SLC38A1: variants seen among roughly 807,000 people sequenced by gnomAD.
SLC38A1 encodes solute carrier family 38 member 1.
In SLC38A1, 18 loss-of-function variants were observed where a neutral mutation model predicts 60.3. The observed-to-expected ratio is 0.30, with a 90% CI of 0.21 to 0.44. SLC38A1 has a LOEUF of 0.44. Ranked by LOEUF, SLC38A1 falls within the 20% of genes least tolerant of loss-of-function variation. SLC38A1 has a pLI of 1.00. For missense variants in SLC38A1, 448 were observed against 587.2 expected, an observed-to-expected ratio of 0.76 and a Z score of 2.45; for synonymous variants, 196 against 212.1, an observed-to-expected ratio of 0.92 and a Z score of 0.66.
chr12:46,259,946 G>A (rs1387868106), intron 1 of SLC38A1, among the ~76,000 whole-genome samples: 2 of 152,102 alleles, frequency 1.3e-5, no homozygotes, highest in Non-Finnish European at 1.5e-5. Flanking sequence ...GCCTGATTAG[G>A]AAATTCTGGC....
At chr12:46,241,805 C>T (rs897633563) in intron 2 of SLC38A1, among the ~76,000 whole-genome samples, 13 of 152,232 alleles carry the variant, frequency 8.5e-5, no homozygotes, top group Non-Finnish European at 1.6e-4. Flanking sequence ...TCTTGCCACA[C>T]TGACTCCCTC....
At chr12:46,234,374 T>C (rs1941180999) in intron 3 of SLC38A1, among the ~76,000 whole-genome samples, 1 of 152,172 alleles carries the variant, frequency 6.6e-6, no homozygotes, top group Non-Finnish European at 1.5e-5. Flanking sequence ...CCTATTCTCT[T>C]TATGGTGTTT....
intron 16 of SLC38A1, chr12:46,196,163 C>T: frequency 1.3e-6 from 2 of 1,536,024 alleles, no homozygotes; most frequent in Non-Finnish European, 1.7e-6. Flanking sequence ...CCAGAGAACA[C>T]AAGATTATAA....
At chr12:46,252,497 T>G (rs1941884029) in intron 1 of SLC38A1, among the ~76,000 whole-genome samples, 1 of 151,844 alleles carries the variant, frequency 6.6e-6, no homozygotes, top group African/African-American at 2.4e-5. Flanking sequence ...ACCCTAGAAG[T>G]ATAATAAAAT....
At chr12:46,267,954 G>A (rs1195918912) in intron 1 of SLC38A1, among the ~76,000 whole-genome samples, 1 of 152,126 alleles carries the variant, frequency 6.6e-6, no homozygotes, top group South Asian at 2.1e-4. Flanking sequence ...CTACTTCCCC[G>A]CGTTACAGAG....
Position 46,241,537 on chromosome 12 carries a change from C to T in SLC38A1, c.-93-1644G>A, listed in dbSNP as rs533281352. Among the ~76,000 whole-genome samples, 267 of 152,166 alleles carry T rather than the reference C, an allele frequency of 1.8e-3. 1 individual carries two copies. The highest frequency in any genetic ancestry group is 3.4e-3 in the Non-Finnish European group (233 of 68,034). On this transcript the variant is annotated intron_variant, in intron 2 of 16. Transcript: ENST00000398637. ...TTGTCTTCAGGGCAAGGCACTTCCTCAAGAAGGAGGAGAGCCAGGACAGGG... is the reference window on the plus strand; with the variant it reads ...TTGTCTTCAGGGCAAGGCACTTCCTTAAGAAGGAGGAGAGCCAGGACAGGG...
At chr12:46,244,969 T>G (rs954255472) in intron 1 of SLC38A1, among the ~76,000 whole-genome samples, 5 of 152,204 alleles carry the variant, frequency 3.3e-5, no homozygotes, top group Admixed American at 6.5e-5. Context: ...CAACTTCAAT[T>G]ATCAATTCAG....
At chr12:46,211,755 C>G (rs1940181398) in intron 5 of SLC38A1, among the ~76,000 whole-genome samples, 1 of 152,114 alleles carries the variant, frequency 6.6e-6, no homozygotes, top group Non-Finnish European at 1.5e-5. Flanking sequence ...AAAACAACCC[C>G]CTCCCATGTT....
rs1051883559 is a variant in SLC38A1, at chr12:46,186,467, C to T, written c.*2503G>A. On this transcript the variant is annotated 3_prime_UTR_variant, in exon 17 of 17. Transcript: ENST00000398637. The stretch of plus-strand genomic sequence containing the variant: ...ACTTGACTGTGCTGTTTAAATTCGA[C>T]CTAACATCTGTGATACATGTATTTT... 7.9e-5 allele frequency: 12 copies of T among 152,146 alleles called. No homozygotes were observed. Among genetic ancestry groups the T allele is most frequent in the African/African-American group, 2.2e-4 (9 of 41,422 alleles). 9.4% of individuals were successfully genotyped at this position (152,146 alleles called of 1,614,324 possible). A position where few individuals can be genotyped will look rare whatever the true frequency, so the allele number is the denominator to read the frequency against.
intron 13 of SLC38A1, 50 bp downstream of exon 13, chr12:46,201,048 C>G (rs746799402): frequency 7.7e-7 from 1 of 1,293,588 alleles, no homozygotes; most frequent in Admixed American, 2.0e-5. Flanking sequence ...CTAATTTTTA[C>G]TAATTTGTTT....
At position 46,185,151 on chromosome 12, in the gene SLC38A1, A is replaced by G. The variant is rs976376016; in HGVS notation, c.*3819T>C. ...GTTCTCAAACTTGATGCGCTTTAGA[A>G]TCATTTGCTGAGTCCCTCCCTGAGA... On this transcript the variant is annotated 3_prime_UTR_variant, in exon 17 of 17. Coordinates refer to ENST00000398637, the MANE Select transcript of SLC38A1 (RefSeq NM_030674.4). 5 of 152,154 alleles carry G rather than the reference A, an allele frequency of 3.3e-5. No individual in the cohort carries two copies. The highest frequency in any genetic ancestry group is 9.7e-5 in the African/African-American group (4 of 41,388). The allele number at this position is 152,154 out of a possible 1,614,324, so 9.4% of individuals were successfully genotyped here. A position where few individuals can be genotyped will look rare whatever the true frequency, so the allele number is the denominator to read the frequency against.
chr12:46,212,757 C>T (rs139690659), intron 5 of SLC38A1, among the ~76,000 whole-genome samples: 207 of 152,266 alleles, frequency 1.4e-3, no homozygotes, highest in Admixed American at 2.4e-3. Flanking sequence ...GACAGGAAAC[C>T]TCTATGCTCC....
intron 5 of SLC38A1, among the ~76,000 whole-genome samples, chr12:46,221,023 A>T (rs1592106865): frequency 6.6e-6 from 1 of 152,156 alleles, no homozygotes; most frequent in East Asian, 1.9e-4. Flanking sequence ...TTAAAGAGAG[A>T]AGGGACCTGG....
At chr12:46,213,458 T>C (rs1337529342) in intron 5 of SLC38A1, among the ~76,000 whole-genome samples, 4 of 152,260 alleles carry the variant, frequency 2.6e-5, no homozygotes, top group African/African-American at 7.2e-5. Flanking sequence ...TCTAACTTCA[T>C]ATCTTAAGTG....
rs1239605295 is a variant in SLC38A1 at position 46,185,892 on chromosome 12, AC to A, written c.*3077del. Reference sequence around the variant, plus strand: ...TCACCTGTAGTCTGGTGGCATCTCTACCCCTACTGTCCAGTAGGTGGGATGT... The same window carrying A: ...TCACCTGTAGTCTGGTGGCATCTCTACCCTACTGTCCAGTAGGTGGGATGT... On this transcript the variant is annotated 3_prime_UTR_variant, in exon 17 of 17. Coordinates refer to ENST00000398637, the MANE Select transcript of SLC38A1 (RefSeq NM_030674.4). The A allele has an allele frequency of 6.6e-6, 1 of 151,772 alleles. No individual in the cohort carries two copies. Among genetic ancestry groups the A allele is most frequent in the Non-Finnish European group, 1.5e-5 (1 of 67,998 alleles). 9.4% of individuals were successfully genotyped at this position (151,772 alleles called of 1,614,324 possible). A position where few individuals can be genotyped will look rare whatever the true frequency, so the allele number is the denominator to read the frequency against.
intron 3 of SLC38A1, among the ~76,000 whole-genome samples, chr12:46,231,163 G>A (rs192626063): frequency 2.0e-3 from 299 of 152,258 alleles, no homozygotes; most frequent in African/African-American, 6.7e-3. Flanking sequence ...CGTGGGTAGA[G>A]CTGAAGGTCT....
chr12:46,201,920 C>T (rs370761839), intron 12 of SLC38A1, among the ~76,000 whole-genome samples: 1 of 150,776 alleles, frequency 6.6e-6, no homozygotes, highest in African/African-American at 2.4e-5. Flanking sequence ...AGGCCCCGCG[C>T]GGTGGCTCAC....
At position 46,218,276 on chromosome 12, in the gene SLC38A1, G is replaced by C. The variant is rs542789553; in HGVS notation, c.315-9149C>G. ...TTTTCCCACTCCACAAGGACAAGTC[G>C]TTTCCCTTCTCCTCAAACCTAGATC... On this transcript the variant is annotated intron_variant, in intron 5 of 16. Coordinates refer to ENST00000398637, the MANE Select transcript of SLC38A1 (RefSeq NM_030674.4). Among the ~76,000 whole-genome samples the C allele has an allele frequency of 1.8e-4, 27 of 151,818 alleles. No homozygotes were observed. The South Asian group carries it at 5.4e-3, about 30-fold the overall frequency.
chr12:46,247,834 C>T, intron 1 of SLC38A1, among the ~76,000 whole-genome samples: 2 of 152,236 alleles, frequency 1.3e-5, no homozygotes, highest in Non-Finnish European at 2.9e-5. Flanking sequence ...AACAGCAGAT[C>T]TCTCAGCAGA....
Sources: allele counts gnomAD v4.1 joint callset (sites outside exome capture counted in the v4.1 genomes callset), GRCh38; gene constraint gnomAD v4.1.1; transcripts MANE v1.5; gene names NCBI Gene and HGNC (gene_info 2026-07-23, HGNC 2026-07-21).